The following EMCN variants were observed in gnomAD, a reference collection of about 807,000 sequenced individuals.
The protein encoded by EMCN is MUC-14.
Under a neutral mutation model 38.4 loss-of-function variants are expected in EMCN, and 37 were observed. The ratio of observed to expected loss-of-function variants is 0.96; its 90% CI spans 0.74 to 1.27. The LOEUF (loss-of-function observed/expected upper bound fraction) is 1.27, where lower values mean the gene tolerates loss of function less well. Among genes scored for constraint, EMCN ranks in the 50% most tolerant of loss-of-function variants. The pLI, the probability that EMCN is intolerant of heterozygous loss-of-function variation, is 0.00. For missense variants in EMCN, 318 were observed against 302.8 expected (o/e 1.05, Z -0.37); for synonymous variants, 95 against 100.8 (o/e 0.94, Z 0.35).
intron 1 of EMCN, among the ~76,000 whole-genome samples, chr4:100,491,799 G>A (rs1729088592): frequency 6.6e-6 from 1 of 152,308 alleles, no homozygotes; most frequent in Middle Eastern, 3.4e-3. Context: ...AATAGCAAAG[G>A]CAGTAGGCCA....
intron 11 of EMCN, among the ~76,000 whole-genome samples, chr4:100,409,711 C>G (rs2110209056): frequency 6.6e-6 from 1 of 152,188 alleles, no homozygotes; most frequent in East Asian, 1.9e-4. Flanking sequence ...TTCCACACAT[C>G]CATGGTTTCT....
chr4:100,503,639 C>T (rs746118068), intron 1 of EMCN, among the ~76,000 whole-genome samples: 5 of 151,910 alleles, frequency 3.3e-5, no homozygotes, highest in African/African-American at 4.8e-5. Flanking sequence ...AGTGCAGTGG[C>T]GTGATCATGG....
intron 1 of EMCN, among the ~76,000 whole-genome samples, chr4:100,489,405 A>G (rs1729020895): frequency 6.6e-6 from 1 of 152,222 alleles, no homozygotes; most frequent in African/African-American, 2.4e-5. Flanking sequence ...CAATGATGGT[A>G]GTAATTTAGA....
Position 100,486,801 on chromosome 4 carries a change from C to A in EMCN, c.65-6762G>T, listed in dbSNP as rs564899116. ...AATATCTGCAAAATGGACCCAAGAA[C>A]CTGAGATGTCCTGGCTGACAAATGG... On this transcript the variant is annotated intron_variant, in intron 1 of 11. Coordinates refer to ENST00000296420, the MANE Select transcript of EMCN (RefSeq NM_016242.4). 56 of 945,006 alleles carry A rather than the reference C, an allele frequency of 5.9e-5. No homozygotes were observed. The African/African-American group carries it at 9.7e-4, about 16-fold the overall frequency. 58.5% of individuals were successfully genotyped at this position (945,006 alleles called of 1,614,324 possible).
intron 1 of EMCN, among the ~76,000 whole-genome samples, chr4:100,492,639 A>G (rs1276947783): frequency 6.6e-6 from 1 of 152,210 alleles, no homozygotes; most frequent in Non-Finnish European, 1.5e-5. Flanking sequence ...AAAGATGAAT[A>G]AAAAATTCAG....
intron 11 of EMCN, among the ~76,000 whole-genome samples, chr4:100,404,979 G>A (rs1444340429): frequency 6.6e-6 from 1 of 151,954 alleles, no homozygotes; most frequent in Non-Finnish European, 1.5e-5. Flanking sequence ...TGTGGCTCCT[G>A]TGAATCAGAT....
chr4:100,425,300 C>T (rs1289385434), intron 5 of EMCN, among the ~76,000 whole-genome samples: 1 of 151,838 alleles, frequency 6.6e-6, no homozygotes, highest in Non-Finnish European at 1.5e-5. Flanking sequence ...AAACATGAGC[C>T]TAATGTTATT....
intron 3 of EMCN, among the ~76,000 whole-genome samples, chr4:100,473,388 T>TTTTTTTTTTTTTG (rs1259983676): frequency 7.2e-6 from 1 of 138,164 alleles, no homozygotes; most frequent in Non-Finnish European, 1.5e-5. Flanking sequence ...TTTTTTTTGT[T>TTTTTTTTTTTTTG]TTTTTTTTTG....
intron 8 of EMCN, 112 bp downstream of exon 8, chr4:100,421,170 T>G (rs894197649): frequency 1.1e-6 from 1 of 949,726 alleles, no homozygotes; most frequent in South Asian, 1.4e-5. Flanking sequence ...TCAGGAAATA[T>G]GACATTTCAT....
Position 100,475,102 on chromosome 4 carries a change from G to T in EMCN, c.195C>A (p.Ile65=). The part of the protein sequence containing the change: ...PTTGTTPKGT[I]TNELLKMSLM... ...GAGACATTTTAAGTAATTCATTGGT[G>T]ATTGTTCCTAGTTTGATAAAATAGA... Residue 65 remains isoleucine (I), a synonymous_variant, in exon 3 of 12, where the codon ATC becomes ATA. Coordinates refer to ENST00000296420, the MANE Select transcript of EMCN (RefSeq NM_016242.4). 3 of 1,499,826 alleles carry T rather than the reference G, an allele frequency of 2.0e-6. No individual in the cohort carries two copies. The highest frequency in any genetic ancestry group is 1.3e-5 in the South Asian group (1 of 74,558). The allele number at this position is 1,499,826 out of a possible 1,614,324, so 92.9% of individuals were successfully genotyped here. A position where few individuals can be genotyped will look rare whatever the true frequency, so the allele number is the denominator to read the frequency against.
At chr4:100,456,443 T>A (rs1278620004) in intron 4 of EMCN, among the ~76,000 whole-genome samples, 1 of 152,202 alleles carries the variant, frequency 6.6e-6, no homozygotes, top group Admixed American at 6.5e-5. Flanking sequence ...TTCTTTTTCC[T>A]GCCTGATATA....
chr4:100,490,462 C>T (rs1044783713), intron 1 of EMCN, among the ~76,000 whole-genome samples: 1 of 152,150 alleles, frequency 6.6e-6, no homozygotes, highest in African/African-American at 2.4e-5. Flanking sequence ...TAGACCTTCA[C>T]ATTCACTGGC....
At chr4:100,498,563 C>A (rs1007565181) in intron 1 of EMCN, among the ~76,000 whole-genome samples, 1 of 151,782 alleles carries the variant, frequency 6.6e-6, no homozygotes, top group African/African-American at 2.4e-5. Flanking sequence ...CTCACTGCAA[C>A]CTCCACCTCC....
At chr4:100,450,078 T>C (rs1727795620) in intron 4 of EMCN, among the ~76,000 whole-genome samples, 1 of 152,062 alleles carries the variant, frequency 6.6e-6, no homozygotes, top group African/African-American at 2.4e-5. Context: ...TTTTCAATTA[T>C]TCCTGTTTAT....
chr4:100,415,548 G>A (rs894677922), intron 10 of EMCN, among the ~76,000 whole-genome samples: 1 of 151,982 alleles, frequency 6.6e-6, no homozygotes, highest in South Asian at 2.1e-4. Context: ...GACCATATGC[G>A]ACTACATAGC....
chr4:100,417,649 AG>A (rs1726772844), intron 8 of EMCN, among the ~76,000 whole-genome samples: 1 of 152,212 alleles, frequency 6.6e-6, no homozygotes, highest in African/African-American at 2.4e-5. Context: ...GCCTCTCAAA[AG>A]AGCCCTGCAA....
At chr4:100,477,557 T>C (rs1215113391) in intron 2 of EMCN, among the ~76,000 whole-genome samples, 1 of 152,234 alleles carries the variant, frequency 6.6e-6, no homozygotes. Flanking sequence ...TTTTTGATGA[T>C]AGAATTTCTG....
chr4:100,466,514 C>T (rs1728320798), intron 3 of EMCN, among the ~76,000 whole-genome samples: 1 of 152,196 alleles, frequency 6.6e-6, no homozygotes, highest in South Asian at 2.1e-4. Context: ...TAGATAAATA[C>T]ATTTTCCTTC....
intron 9 of EMCN, among the ~76,000 whole-genome samples, chr4:100,416,309 CAT>C (rs1726732877): frequency 6.6e-6 from 1 of 152,140 alleles, no homozygotes; most frequent in African/African-American, 2.4e-5. Context: ...CCATATCGCA[CAT>C]GTCTCCAATT....
Sources: gnomAD v4.1 joint callset for allele counts (sites outside exome capture counted in the v4.1 genomes callset) on GRCh38, gnomAD v4.1.1 for gene constraint, MANE v1.5 for transcripts, NCBI Gene and HGNC (gene_info 2026-07-23, HGNC 2026-07-21) for gene names.